Variants in FGL1 observed in about 807,000 individuals in gnomAD.
The protein encoded by FGL1 is fibrinogen like 1.
FGL1 carries 59 observed loss-of-function variants against 43.7 expected under a neutral mutation model. The observed-to-expected ratio is 1.35, with a 90% CI of 1.10 to 1.68. The LOEUF (loss-of-function observed/expected upper bound fraction) is 1.68, where lower values mean the gene tolerates loss of function less well. FGL1 is among the 40% of genes most tolerant of loss of function. The probability of loss-of-function intolerance (pLI) is 0.00; values close to 1 mark genes in which losing one functional copy is unlikely to be tolerated. For missense variants in FGL1, 596 were observed against 373.0 expected (o/e 1.60, Z -4.92); for synonymous variants, 192 against 126.5 (o/e 1.52, Z -3.48).
chr8:17,879,399 G>T (rs1344854992), intron 3 of FGL1, among the ~76,000 whole-genome samples: 1 of 152,102 alleles, frequency 6.6e-6, no homozygotes, highest in East Asian at 1.9e-4. Context: ...TGATTTGGAT[G>T]TGTGTCCCCA....
chr8:17,887,957 T>C (rs1014554467), intron 1 of FGL1, among the ~76,000 whole-genome samples: 2 of 152,148 alleles, frequency 1.3e-5, no homozygotes, highest in African/African-American at 4.8e-5. Flanking sequence ...TTTATCTTAG[T>C]AAATATTTTT....
Position 17,864,601 on chromosome 8 carries a change from A to G in FGL1, c.930T>C (p.Asn310=), listed in dbSNP as rs745562655. 8.7e-6 allele frequency: 14 copies of G among 1,603,510 alleles called. No individual in the cohort carries two copies. The East Asian group carries it at 1.6e-4, about 18-fold the overall frequency. Residue 310 remains asparagine (N), a synonymous_variant, in exon 8 of 8, where the codon AAT becomes AAC. Transcript: ENST00000427924. ...AGCCCAACAGCAGCAATTAAATTAC[A>G]TTTGGAATAAAATCATTTGGCCTAA... The part of the protein sequence containing the change: ...MKIRPNDFIP[N]VI
At chr8:17,893,132 C>G (rs977042333) in intron 1 of FGL1, among the ~76,000 whole-genome samples, 1 of 152,088 alleles carries the variant, frequency 6.6e-6, no homozygotes, top group African/African-American at 2.4e-5. Flanking sequence ...ACCTGGGAGA[C>G]AGAGGTTGCA....
intron 1 of FGL1, 31 bp downstream of exon 1, chr8:17,895,416 G>A (rs1392543681): frequency 7.8e-7 from 1 of 1,275,126 alleles, no homozygotes. Context: ...TTACAAGCAT[G>A]TCAAAAATGC....
At chr8:17,877,496 C>G (rs2517303) in intron 3 of FGL1, among the ~76,000 whole-genome samples, 1 of 151,916 alleles carries the variant, frequency 6.6e-6, no homozygotes, top group Non-Finnish European at 1.5e-5. Context: ...CAAAGTACCC[C>G]ACATTCTAAA....
At chr8:17,879,019 C>A (rs2053496909) in intron 3 of FGL1, among the ~76,000 whole-genome samples, 1 of 125,518 alleles carries the variant, frequency 8.0e-6, no homozygotes, top group Admixed American at 8.3e-5. Flanking sequence ...ATATAAAGAA[C>A]AATTGAACTG....
chr8:17,874,175 C>A (rs751525129), intron 4 of FGL1, 59 bp from the exon 5 acceptor site: 8 of 1,415,562 alleles, frequency 5.7e-6, no homozygotes, highest in African/African-American at 1.4e-5. Context: ...ACCAAAGCGA[C>A]CACCACCCAC....
chr8:17,888,261 A>G (rs2053657176), intron 1 of FGL1, among the ~76,000 whole-genome samples: 1 of 152,200 alleles, frequency 6.6e-6, no homozygotes, highest in South Asian at 2.1e-4. Context: ...GCAAAGGAAC[A>G]GAAGTCGTGA....
chr8:17,886,129 A>G (rs1356855647), intron 1 of FGL1, among the ~76,000 whole-genome samples: 4 of 152,174 alleles, frequency 2.6e-5, no homozygotes, highest in Non-Finnish European at 5.9e-5. Flanking sequence ...GACCCCAATA[A>G]CTGTTGTTGC....
At chr8:17,889,697 G>A (rs542601789) in intron 1 of FGL1, among the ~76,000 whole-genome samples, 3 of 152,308 alleles carry the variant, frequency 2.0e-5, no homozygotes, top group Non-Finnish European at 4.4e-5. Flanking sequence ...TATCCCCTGG[G>A]AATATCTCCC....
chr8:17,886,980 AGCCAGGTGAAT>A (rs1306796390), intron 1 of FGL1, among the ~76,000 whole-genome samples: 1 of 152,176 alleles, frequency 6.6e-6, no homozygotes, highest in Admixed American at 6.5e-5. Flanking sequence ...AATCCTGTGC[AGCCAGGTGAAT>A]GCTGCTTCTC....
chr8:17,872,921 G>C (rs2053386893), intron 5 of FGL1, among the ~76,000 whole-genome samples: 1 of 152,324 alleles, frequency 6.6e-6, no homozygotes, highest in South Asian at 2.1e-4. Flanking sequence ...GACGGATTGA[G>C]TAATGGGCAA....
intron 3 of FGL1, among the ~76,000 whole-genome samples, chr8:17,875,555 T>TTCTTTCTTTCTCTCTCTC (rs2053441020): frequency 5.8e-5 from 1 of 17,318 alleles, no homozygotes; most frequent in African/African-American, 1.4e-4. Flanking sequence ...CTTTCTTTCT[T>TTCTTTCTTTCTCTCTCTC]TCTTTCTTTC....
At chr8:17,891,752 CT>C (rs1166147250) in intron 1 of FGL1, 1 of 983,428 alleles carries the variant, frequency 1.0e-6, no homozygotes, top group Non-Finnish European at 1.2e-6. Context: ...AGATCAAATT[CT>C]TTTGTGTCTG....
At chr8:17,884,972 C>G (rs777417474) in intron 2 of FGL1, among the ~76,000 whole-genome samples, 5 of 151,844 alleles carry the variant, frequency 3.3e-5, no homozygotes, top group South Asian at 4.2e-4. Context: ...ATATTCCAAC[C>G]AAATAACTCC....
chr8:17,879,442 T>C (rs1167206589), intron 3 of FGL1, among the ~76,000 whole-genome samples: 1 of 152,044 alleles, frequency 6.6e-6, no homozygotes, highest in African/African-American at 2.4e-5. Flanking sequence ...GTTCCCAGTG[T>C]GGGAGGGAAG....
intron 5 of FGL1, among the ~76,000 whole-genome samples, chr8:17,869,545 T>G (rs936337704): frequency 6.6e-6 from 1 of 152,174 alleles, no homozygotes; most frequent in African/African-American, 2.4e-5. Flanking sequence ...AAGAATAATT[T>G]GAGGAAGAAA....
chr8:17,867,274 T>C (rs6586667), intron 7 of FGL1, among the ~76,000 whole-genome samples: 7,392 of 151,818 alleles, frequency 0.049, 624 homozygotes, highest in African/African-American at 0.17. Context: ...ATAAAGAAAA[T>C]AAAATTTACC....
At chr8:17,891,598 T>C (rs1291438327) in intron 1 of FGL1, 1 of 729,350 alleles carries the variant, frequency 1.4e-6, no homozygotes, top group Non-Finnish European at 1.7e-6. Flanking sequence ...GTTAGGAATG[T>C]ACATGTTTTG....
Sources: allele counts gnomAD v4.1 joint callset (sites outside exome capture counted in the v4.1 genomes callset), GRCh38; gene constraint gnomAD v4.1.1; transcripts MANE v1.5; gene names NCBI Gene and HGNC (gene_info 2026-07-23, HGNC 2026-07-21).